Variants in NDUFA12 observed in about 807,000 individuals in gnomAD.
NDUFA12 encodes the protein NADH dehydrogenase [ubiquinone] 1 alpha subcomplex subunit 12.
NDUFA12 carries 17 observed loss-of-function variants against 20.3 expected under a neutral mutation model. The ratio of observed to expected loss-of-function variants is 0.84; its 90% CI spans 0.57 to 1.26. The LOEUF is 1.26. Ranked by LOEUF, NDUFA12 falls within the 50% of genes most tolerant of loss-of-function variation. NDUFA12 has a pLI of 0.00. For missense variants in NDUFA12, 191 were observed against 183.7 expected (o/e 1.04, Z -0.23); for synonymous variants, 72 against 63.6 (o/e 1.13, Z -0.63).
At chr12:94,973,846 G>A (rs910503583) in intron 3 of NDUFA12, among the ~76,000 whole-genome samples, 6 of 151,508 alleles carry the variant, frequency 4.0e-5, no homozygotes, top group Admixed American at 3.3e-4. Context: ...ATAAGGAAAT[G>A]TTTATAGTCT....
chr12:94,996,324 T>TATACACACACACAC (rs1555201259), intron 2 of NDUFA12, among the ~76,000 whole-genome samples: 32 of 141,290 alleles, frequency 2.3e-4, no homozygotes, highest in African/African-American at 5.5e-4. Context: ...CATATATAGG[T>TATACACACACACAC]ACACACACAC....
Position 94,985,626 on chromosome 12 carries a change from C to CAAAAAAAA in NDUFA12, c.257+8536_257+8543dup, listed in dbSNP as rs35674364. Among the ~76,000 whole-genome samples, 2 of 43,576 alleles carry CAAAAAAAA rather than the reference C, an allele frequency of 4.6e-5. 1 individual carries two copies. The allele number at this position is 43,576 out of a possible 152,430, so 28.6% of individuals were successfully genotyped here. ...TGGGAGACAGAACAAGACTCCATCT[C>CAAAAAAAA]AAAAAAAAAAAAAAAAAAAAAGCGG... On this transcript the variant is annotated intron_variant, in intron 3 of 3. Transcript: ENST00000327772.
rs746550695 is a variant in NDUFA12, at chr12:94,994,230, G to T, written c.197C>A (p.Thr66Asn). The T allele has an allele frequency of 6.2e-7, 1 of 1,614,130 alleles. No homozygotes were observed. Among genetic ancestry groups the T allele is most frequent in the Non-Finnish European group, 8.5e-7 (1 of 1,180,000 alleles). Reference protein sequence around the residue: ...FGRHRWVVYTTEMNGKNTFWD... With the variant: ...FGRHRWVVYTNEMNGKNTFWD... ...GAATGTGTTTTTGCCATTCATTTCAGTAGTATATACAACCCATCGGTGACG... is the reference window on the plus strand; with the variant it reads ...GAATGTGTTTTTGCCATTCATTTCATTAGTATATACAACCCATCGGTGACG... The change falls in exon 3 of 4, where the codon ACT (threonine) becomes AAT (asparagine). Residue 66 changes from threonine (T) to asparagine (N), a missense_variant. Thr to Asn is a moderately conservative substitution (Grantham distance 65). Transcript: ENST00000327772.
intron 3 of NDUFA12, among the ~76,000 whole-genome samples, chr12:94,979,363 T>G (rs747184931): frequency 1.1e-4 from 17 of 152,216 alleles, no homozygotes; most frequent in Non-Finnish European, 1.8e-4. Context: ...TACCTCATAT[T>G]AATAATTCTC....
At chr12:94,990,261 A>G (rs7300945) in intron 3 of NDUFA12, among the ~76,000 whole-genome samples, 34,074 of 136,586 alleles carry the variant, frequency 0.25, 4,181 homozygotes, top group East Asian at 0.45. Context: ...ATAAAGAGAC[A>G]TAGAATGTGG....
At chr12:94,971,856 G>T in intron 3 of NDUFA12, 1 of 694,706 alleles carries the variant, frequency 1.4e-6, no homozygotes, top group East Asian at 2.5e-5. Context: ...AAAAATTCTT[G>T]TGTGTGGCAG....
Position 95,003,619 on chromosome 12 carries a change from CG to C in NDUFA12, c.61del (p.Arg21GlufsTer18), listed in dbSNP as rs748012743. On this transcript the variant is annotated frameshift_variant, in exon 1 of 4. Transcript: ENST00000327772. LOFTEE classifies it high-confidence loss of function. ...LQQITGHGGL[R>X]GYLRVFFRTN... ...CCTGAAAAAAACCCGTAGATAGCCT[CG>C]GAGACCGCCGTGGCCGGTGATCTGC... 6 of 1,614,066 alleles carry C rather than the reference CG, an allele frequency of 3.7e-6. No homozygotes were observed. The South Asian group carries it at 6.6e-5, about 18-fold the overall frequency.
rs888481729 is a variant in NDUFA12 at position 95,003,661 on chromosome 12, A to G, written c.20T>C (p.Leu7Pro). The G allele has an allele frequency of 1.2e-6, 2 of 1,614,136 alleles. No individual in the cohort carries two copies. Among genetic ancestry groups the G allele is most frequent in the Non-Finnish European group, 1.7e-6 (2 of 1,180,036 alleles). The change falls in exon 1 of 4, where the codon CTG (leucine) becomes CCG (proline). Residue 7 changes from leucine to proline, a missense_variant. Transcript: ENST00000327772. MELVQV[L>P]KRGLQQITGH... ...GGTGATCTGCTGCAGCCCGCGTTTC[A>G]GGACCTGCACTAACTCCATCTTGCC...
At chr12:94,988,572 T>G (rs566282417) in intron 3 of NDUFA12, among the ~76,000 whole-genome samples, 1 of 152,092 alleles carries the variant, frequency 6.6e-6, no homozygotes, top group African/African-American at 2.4e-5. Flanking sequence ...CTTGAAGAGA[T>G]GAATAACTCC....
At chr12:94,985,262 C>T (rs1874387358) in intron 3 of NDUFA12, among the ~76,000 whole-genome samples, 1 of 151,700 alleles carries the variant, frequency 6.6e-6, no homozygotes, top group East Asian at 1.9e-4. Context: ...GAGGTCAGGG[C>T]TGCAGTAAGC....
chr12:95,000,856 TCATTC>T (rs2136073679), intron 2 of NDUFA12, among the ~76,000 whole-genome samples: 1 of 152,376 alleles, frequency 6.6e-6, no homozygotes, highest in South Asian at 2.1e-4. Flanking sequence ...TAGGTTTATA[TCATTC>T]TTAACAACAA....
Position 95,002,805 on chromosome 12 carries a change from C to A in NDUFA12, c.103G>T (p.Val35Phe). The part of the protein sequence containing the change: ...RVFFRTNDAK[V>F]GTLVGEDKYG... The stretch of plus-strand genomic sequence containing the variant: ...TTGTCTTCCCCCACTAATGTACCAA[C>A]CTTCGCATCATTTGTCCTGTGAATA... The change falls in exon 2 of 4, where the codon GTT becomes TTT. Residue 35 changes from valine (V) to phenylalanine (F), a missense_variant. By Grantham distance (50) the Val-to-Phe change is conservative. Coordinates refer to ENST00000327772, the MANE Select transcript of NDUFA12 (RefSeq NM_018838.5). 1 of 1,613,878 alleles carries A rather than the reference C, an allele frequency of 6.2e-7. No individual in the cohort carries two copies. Among genetic ancestry groups the A allele is most frequent in the South Asian group, 1.1e-5 (1 of 91,078 alleles).
At chr12:94,984,602 G>T (rs913665085) in intron 3 of NDUFA12, among the ~76,000 whole-genome samples, 1 of 151,372 alleles carries the variant, frequency 6.6e-6, no homozygotes, top group Non-Finnish European at 1.5e-5. Flanking sequence ...TGTCTCCAAG[G>T]CTGGAACAGA....
intron 3 of NDUFA12, among the ~76,000 whole-genome samples, chr12:94,987,926 A>G (rs7133992): frequency 0.79 from 119,956 of 151,970 alleles, 47,485 homozygotes; most frequent in African/African-American, 0.83. Context: ...GGAAACTATC[A>G]TTCTACATCA....
chr12:94,978,198 G>A (rs1363099880), intron 3 of NDUFA12, among the ~76,000 whole-genome samples: 6 of 152,212 alleles, frequency 3.9e-5, no homozygotes, highest in Admixed American at 3.9e-4. Context: ...GCAGAGACTT[G>A]ATGTGTCTGA....
At chr12:95,001,624 T>C (rs1875035246) in intron 2 of NDUFA12, among the ~76,000 whole-genome samples, 2 of 152,138 alleles carry the variant, frequency 1.3e-5, no homozygotes, top group South Asian at 4.1e-4. Flanking sequence ...CGAGACCCTG[T>C]CTCAACATTA....
intron 3 of NDUFA12, among the ~76,000 whole-genome samples, chr12:94,978,332 G>C (rs1018180822): frequency 6.6e-6 from 1 of 152,184 alleles, no homozygotes; most frequent in African/African-American, 2.4e-5. Context: ...ATTGTGCCTT[G>C]GACTAGGGTA....
intron 3 of NDUFA12, among the ~76,000 whole-genome samples, chr12:94,988,570 G>A (rs1592702760): frequency 6.6e-6 from 1 of 152,184 alleles, no homozygotes; most frequent in Non-Finnish European, 1.5e-5. Context: ...AGCTTGAAGA[G>A]ATGAATAACT....
intron 3 of NDUFA12, among the ~76,000 whole-genome samples, chr12:94,973,763 T>C (rs1161226602): frequency 4.6e-5 from 7 of 152,106 alleles, no homozygotes; most frequent in Admixed American, 3.9e-4. Flanking sequence ...CTAGCAAGCC[T>C]ACATGCAAGA....
Sources: gnomAD v4.1 joint callset for allele counts (sites outside exome capture counted in the v4.1 genomes callset) on GRCh38, gnomAD v4.1.1 for gene constraint, MANE v1.5 for transcripts, NCBI Gene and HGNC (gene_info 2026-07-23, HGNC 2026-07-21) for gene names.